Variants in HECTD4 observed in about 807,000 individuals in gnomAD.
The protein encoded by HECTD4 is HECT domain E3 ubiquitin protein ligase 4, also known as probable E3 ubiquitin-protein ligase HECTD4.
In HECTD4, 114 loss-of-function variants were observed where a neutral mutation model predicts 471.5. That is an observed-to-expected ratio of 0.24 (90% CI 0.21 to 0.28). The LOEUF (loss-of-function observed/expected upper bound fraction) is 0.28. Among genes scored for constraint, HECTD4 ranks in the 10% least tolerant of loss-of-function variants. The pLI, the probability that HECTD4 is intolerant of heterozygous loss-of-function variation, is 1.00. For synonymous variants in HECTD4, 2,012 were observed against 2,256.0 expected (o/e 0.89, Z 3.07); for missense variants, 3,866 against 5,651.5 (o/e 0.68, Z 10.13).
intron 61 of HECTD4, among the ~76,000 whole-genome samples, 169 bp from the exon 62 acceptor site, chr12:112,183,435 CCAA>C (rs771068445): frequency 6.6e-6 from 1 of 152,288 alleles, no homozygotes. Flanking sequence ...CTCCCACAGG[CCAA>C]CAACAGTGAC....
intron 2 of HECTD4, among the ~76,000 whole-genome samples, chr12:112,315,437 C>G (rs905854182): frequency 2.0e-5 from 3 of 152,050 alleles, no homozygotes; most frequent in African/African-American, 7.2e-5. Context: ...AGAATAAAAA[C>G]AAAAGAATAG....
chr12:112,225,620 C>CAA (rs781152688), intron 44 of HECTD4, among the ~76,000 whole-genome samples: 41 of 56,278 alleles, frequency 7.3e-4, no homozygotes, highest in African/African-American at 2.1e-3. Flanking sequence ...AATTGTAAGG[C>CAA]AAAAAAAAAA....
intron 11 of HECTD4, among the ~76,000 whole-genome samples, chr12:112,271,889 T>G (rs2135623095): frequency 6.6e-6 from 1 of 152,312 alleles, no homozygotes; most frequent in African/African-American, 2.4e-5. Context: ...TCTTTAAATG[T>G]ATTTATAATG....
chr12:112,263,880 C>T (rs746336971), intron 17 of HECTD4, among the ~76,000 whole-genome samples: 5 of 152,132 alleles, frequency 3.3e-5, no homozygotes, highest in East Asian at 1.9e-4. Context: ...CAGGAGCACA[C>T]GGATGACACA....
intron 17 of HECTD4, chr12:112,261,647 G>A (rs2034147653): frequency 2.3e-6 from 1 of 444,178 alleles, no homozygotes; most frequent in South Asian, 3.4e-5. Context: ...CCAAGGTCTG[G>A]AGAGCTGACA....
At chr12:112,271,533 C>T (rs548846476) in intron 11 of HECTD4, among the ~76,000 whole-genome samples, 2 of 152,312 alleles carry the variant, frequency 1.3e-5, no homozygotes, top group East Asian at 1.9e-4. Context: ...TCCCCCAATC[C>T]GTAACTTCAG....
intron 11 of HECTD4, among the ~76,000 whole-genome samples, chr12:112,272,587 A>G (rs1341725104): frequency 6.6e-6 from 1 of 152,188 alleles, no homozygotes; most frequent in East Asian, 1.9e-4. Flanking sequence ...TTGCATGTGT[A>G]TGCAGACTCA....
intron 52 of HECTD4, among the ~76,000 whole-genome samples, chr12:112,206,533 CTTTTTT>C (rs60701313): frequency 9.0e-6 from 1 of 111,486 alleles, no homozygotes; most frequent in East Asian, 3.9e-4. Context: ...ATAGAATCTG[CTTTTTT>C]TTTTTTTTTT....
Position 112,184,168 on chromosome 12 carries a change from G to T in HECTD4, c.10779+19C>A. The T allele has an allele frequency of 1.3e-6, 2 of 1,581,442 alleles. No homozygotes were observed. The highest frequency in any genetic ancestry group is 1.7e-6 in the Non-Finnish European group (2 of 1,159,000). On this transcript the variant is annotated intron_variant, in intron 61 of 75. Coordinates refer to ENST00000682272, the MANE Select transcript of HECTD4 (RefSeq NM_001388303.1). The surrounding 1 kb of genome is among the most constrained non-coding windows in gnomAD (Gnocchi z 9.1). ...AATGGGTCATGATTTAGTGGTTGCA[G>T]AGGCTTGAAAGCTGTTACCTCCACG...
chr12:112,323,970 CTT>C (rs2035652937), intron 1 of HECTD4, among the ~76,000 whole-genome samples: 1 of 16,796 alleles, frequency 6.0e-5, no homozygotes, highest in Non-Finnish European at 9.4e-5. Flanking sequence ...TTCTTTCTTC[CTT>C]CCTTCCTTCC....
chr12:112,274,685 T>C (rs2034488228), intron 10 of HECTD4, among the ~76,000 whole-genome samples, 162 bp downstream of exon 10: 1 of 152,028 alleles, frequency 6.6e-6, no homozygotes, highest in Non-Finnish European at 1.5e-5. Context: ...CCAGCCTAGG[T>C]GACAGAAGAG....
chr12:112,229,971 C>T, intron 40 of HECTD4, 91 bp from the exon 41 acceptor site: 2 of 1,212,498 alleles, frequency 1.6e-6, no homozygotes, highest in Non-Finnish European at 2.3e-6. Context: ...GTGCCTGGGT[C>T]CCATGTATTG....
chr12:112,200,667 T>C lies in HECTD4; in HGVS notation c.8538A>G (p.Thr2846=). 2 of 1,613,916 alleles carry C rather than the reference T, an allele frequency of 1.2e-6. No homozygotes were observed. The highest frequency in any genetic ancestry group is 2.7e-5 in the African/African-American group (2 of 75,036). Residue 2846 remains threonine, a synonymous_variant, in exon 55 of 76, where the codon ACA becomes ACG. Coordinates refer to ENST00000682272, the MANE Select transcript of HECTD4 (RefSeq NM_001388303.1). The part of the protein sequence containing the change: ...YRRTATNGLV[T]LDNTNLQIHR... ...GAATTTGAAGGTTGGTATTGTCCAGTGTGACCAGCCCATTGGTGGCAGTCC... is the reference window on the plus strand; with the variant it reads ...GAATTTGAAGGTTGGTATTGTCCAGCGTGACCAGCCCATTGGTGGCAGTCC...
intron 7 of HECTD4, among the ~76,000 whole-genome samples, chr12:112,299,833 C>A (rs1566104044): frequency 6.6e-6 from 1 of 152,168 alleles, no homozygotes; most frequent in Non-Finnish European, 1.5e-5. Flanking sequence ...TTATTTCATG[C>A]CGCAGGCAGG....
At chr12:112,196,459 C>T (rs763293254) in intron 55 of HECTD4, among the ~76,000 whole-genome samples, 8 of 152,278 alleles carry the variant, frequency 5.3e-5, no homozygotes, top group South Asian at 4.1e-4. Context: ...GTGTTCACTG[C>T]ATTAACAAAG....
chr12:112,374,003 CA>C (rs1007853408), intron 1 of HECTD4, among the ~76,000 whole-genome samples: 1,648 of 60,884 alleles, frequency 0.027, 10 homozygotes, highest in African/African-American at 0.037. Context: ...GACTCTGTCT[CA>C]AAAAAAAAAA....
rs1366873455 is a variant in HECTD4, at chr12:112,213,720, A to AT, written c.7466-1071_7466-1070insA. On this transcript the variant is annotated intron_variant, in intron 48 of 75. Transcript: ENST00000682272. This position sits in a 1 kb window ranked among gnomAD's most constrained non-coding sequence, Gnocchi z 4.0. ...TATACATATATATATATATATATAT[A>AT]ATATATATATAAAATTTAAGGCCAG... is the stretch of plus-strand genomic sequence containing the variant. 6.0e-3 allele frequency among the ~76,000 whole-genome samples: 862 copies of AT among 143,224 alleles called. 3 individuals are homozygous for AT. Among genetic ancestry groups the AT allele is most frequent in the African/African-American group, 0.013 (508 of 38,780 alleles). The allele number at this position is 143,224 out of a possible 152,430, so 94.0% of individuals were successfully genotyped here.
intron 1 of HECTD4, chr12:112,322,107 TAA>T (rs60268533): frequency 5.7e-4 from 69 of 121,236 alleles, no homozygotes; most frequent in Admixed American, 7.4e-4. Context: ...CCTTGTCTGC[TAA>T]AAAAAAAAAA....
chr12:112,239,316 C>T lies in HECTD4; in HGVS notation c.5106-80G>A. On this transcript the variant is annotated intron_variant, in intron 33 of 75. Transcript: ENST00000682272. This position sits in a 1 kb window ranked among gnomAD's most constrained non-coding sequence, Gnocchi z 4.9. ...AACTCTCATGTGAGGTTCAAAGGGG[C>T]ATAAAACATGCTGGTGCAGCTCTTT... is the stretch of plus-strand genomic sequence containing the variant. 1 of 1,239,062 alleles carries T rather than the reference C, an allele frequency of 8.1e-7. No homozygotes were observed. The highest frequency in any genetic ancestry group is 1.1e-6 in the Non-Finnish European group (1 of 903,258). 76.8% of individuals were successfully genotyped at this position (1,239,062 alleles called of 1,614,324 possible).
Sources: gnomAD v4.1 joint callset for allele counts (sites outside exome capture counted in the v4.1 genomes callset) on GRCh38, gnomAD v4.1.1 for gene constraint, Gnocchi (gnomAD v3.1) non-coding constraint, MANE v1.5 for transcripts, NCBI Gene and HGNC (gene_info 2026-07-23, HGNC 2026-07-21) for gene names.